Variants in ATP5MG observed in about 807,000 individuals in gnomAD.
The protein encoded by ATP5MG is ATP synthase membrane subunit g.
In ATP5MG, 7 loss-of-function variants were observed where a neutral mutation model predicts 12.7. That is an observed-to-expected ratio of 0.55 (90% CI 0.31 to 1.04). The LOEUF (loss-of-function observed/expected upper bound fraction) is 1.04, where lower values mean the gene tolerates loss of function less well. Ranked by LOEUF, ATP5MG falls within the 50% of genes least tolerant of loss-of-function variation. The pLI, the probability that ATP5MG is intolerant of heterozygous loss-of-function variation, is 0.05. For synonymous variants in ATP5MG, 53 were observed against 48.2 expected (o/e 1.10, Z -0.41); for missense variants, 116 against 126.7 (o/e 0.92, Z 0.41).
chr11:118,407,115 G>A lies in ATP5MG; in HGVS notation c.213+18G>A. The stretch of plus-strand genomic sequence containing the variant: ...CAGTTAAGGTAACCACGGGCTAAAT[G>A]AAAACGGATGTGCATAACAGAAAAT... On this transcript the variant is annotated intron_variant, in intron 2 of 2. Transcript: ENST00000300688. 1 of 1,613,548 alleles carries A rather than the reference G, an allele frequency of 6.2e-7. No individual in the cohort carries two copies. Among genetic ancestry groups the A allele is most frequent in the Non-Finnish European group, 8.5e-7 (1 of 1,179,888 alleles).
chr11:118,407,426 A>G (rs782281569), intron 2 of ATP5MG: 8 of 219,368 alleles, frequency 3.6e-5, no homozygotes, highest in Non-Finnish European at 6.4e-5. Context: ...TACTTTTTTC[A>G]TCTGGAGTCC....
At position 118,409,334 on chromosome 11, in the gene ATP5MG, C is replaced by T. The variant is rs1436390086; in HGVS notation, c.*236C>T. ...GAAAGGATATATGTGGCAATATTAACCTGGTACATGAATATATGGGGATAA... is the reference window on the plus strand; with the variant it reads ...GAAAGGATATATGTGGCAATATTAATCTGGTACATGAATATATGGGGATAA... On this transcript the variant is annotated 3_prime_UTR_variant, in exon 3 of 3. Coordinates refer to ENST00000300688, the MANE Select transcript of ATP5MG (RefSeq NM_006476.5). The T allele has an allele frequency of 4.4e-6, 1 of 224,994 alleles. No individual in the cohort carries two copies. The highest frequency in any genetic ancestry group is 2.3e-5 in the African/African-American group (1 of 43,456). 13.9% of individuals were successfully genotyped at this position (224,994 alleles called of 1,614,324 possible).
intron 2 of ATP5MG, among the ~76,000 whole-genome samples, chr11:118,407,764 T>C (rs112468256): frequency 0.025 from 3,792 of 152,158 alleles, 71 homozygotes; most frequent in Non-Finnish European, 0.037. Flanking sequence ...CCCAACTACT[T>C]GGGAGGCTGA....
Position 118,409,166 on chromosome 11 carries a change from G to T in ATP5MG, c.*68G>T. On this transcript the variant is annotated 3_prime_UTR_variant, in exon 3 of 3. Transcript: ENST00000300688. ...AGTGTTGTTGGACCATGTGTGATCA[G>T]ACTGCTATCTGAATAAAATAAGATT... The T allele has an allele frequency of 1.9e-6, 2 of 1,044,302 alleles. No individual in the cohort carries two copies. The highest frequency in any genetic ancestry group is 2.7e-6 in the Non-Finnish European group (2 of 735,592). The allele number at this position is 1,044,302 out of a possible 1,614,324, so 64.7% of individuals were successfully genotyped here. A position where few individuals can be genotyped will look rare whatever the true frequency, so the allele number is the denominator to read the frequency against.
At chr11:118,403,006 T>G (rs1948942200) in intron 1 of ATP5MG, among the ~76,000 whole-genome samples, 1 of 152,124 alleles carries the variant, frequency 6.6e-6, no homozygotes, top group Admixed American at 6.6e-5. Context: ...GCCGGGTAAT[T>G]TATCCATTCT....
chr11:118,401,820 G>C (rs1330923784), intron 1 of ATP5MG, 103 bp downstream of exon 1: 1 of 1,412,942 alleles, frequency 7.1e-7, no homozygotes, highest in Non-Finnish European at 9.6e-7. Context: ...GGGGCCTGCG[G>C]GTGCCGGGGC....
intron 2 of ATP5MG, among the ~76,000 whole-genome samples, chr11:118,408,138 G>A (rs1293973433): frequency 6.6e-6 from 1 of 152,140 alleles, no homozygotes; most frequent in Non-Finnish European, 1.5e-5. Context: ...CTCCAGCCTG[G>A]GTGACAGAGC....
rs782711620 is a variant in ATP5MG, at chr11:118,401,648, ACT to A, written c.-14_-13del. 1 of 1,613,556 alleles carries A rather than the reference ACT, an allele frequency of 6.2e-7. No homozygotes were observed. The highest frequency in any genetic ancestry group is 2.2e-5 in the East Asian group (1 of 44,866). ...TTCAGCCGGCGGTTCGGGGCGACGG[ACT>A]CTCCATTCCAGAACCATGGCCCAAT... On this transcript the variant is annotated 5_prime_UTR_variant, in exon 1 of 3. Transcript: ENST00000300688.
At position 118,409,342 on chromosome 11, in the gene ATP5MG, A is replaced by C; in HGVS notation, c.*244A>C. On this transcript the variant is annotated 3_prime_UTR_variant, in exon 3 of 3. Coordinates refer to ENST00000300688, the MANE Select transcript of ATP5MG (RefSeq NM_006476.5). ...ATATGTGGCAATATTAACCTGGTACATGAATATATGGGGATAACATTTTAA... is the reference window on the plus strand; with the variant it reads ...ATATGTGGCAATATTAACCTGGTACCTGAATATATGGGGATAACATTTTAA... 1 of 213,348 alleles carries C rather than the reference A, an allele frequency of 4.7e-6. No homozygotes were observed. The highest frequency in any genetic ancestry group is 9.3e-6 in the Non-Finnish European group (1 of 107,278). The allele number at this position is 213,348 out of a possible 1,614,324, so 13.2% of individuals were successfully genotyped here.
intron 1 of ATP5MG, among the ~76,000 whole-genome samples, chr11:118,403,495 CAA>C (rs1202269527): frequency 8.9e-6 from 1 of 112,590 alleles, no homozygotes; most frequent in Non-Finnish European, 1.9e-5. Context: ...GGCTAGGTCT[CAA>C]AAAAAAAAAA....
chr11:118,406,730 A>G (rs932333101), intron 1 of ATP5MG: 78 of 659,434 alleles, frequency 1.2e-4, no homozygotes, highest in Middle Eastern at 4.3e-4. Flanking sequence ...CTGATTGAAC[A>G]TCCCTGTGGC....
chr11:118,406,132 G>A (rs1173388275), intron 1 of ATP5MG: 3 of 152,012 alleles, frequency 2.0e-5, no homozygotes, highest in Non-Finnish European at 2.9e-5. Context: ...CAAAGTGCTG[G>A]GTTTACAGGC....
chr11:118,409,240 A>G lies in ATP5MG; in HGVS notation c.*142A>G, dbSNP rs373983804. The G allele has an allele frequency of 2.9e-4, 130 of 442,312 alleles. No individual in the cohort carries two copies. Among genetic ancestry groups the G allele is most frequent in the East Asian group, 2.6e-3 (57 of 21,744 alleles). 27.4% of individuals were successfully genotyped at this position (442,312 alleles called of 1,614,324 possible). ...ATCAGATACTCCATGAAAGGTCACAATTTCTCTTGATATTAAGCTGGGTTG... is the reference window on the plus strand; with the variant it reads ...ATCAGATACTCCATGAAAGGTCACAGTTTCTCTTGATATTAAGCTGGGTTG... On this transcript the variant is annotated 3_prime_UTR_variant, in exon 3 of 3. Coordinates refer to ENST00000300688, the MANE Select transcript of ATP5MG (RefSeq NM_006476.5).
chr11:118,404,685 T>C (rs918412213), intron 1 of ATP5MG, among the ~76,000 whole-genome samples: 3 of 152,210 alleles, frequency 2.0e-5, no homozygotes, highest in African/African-American at 7.2e-5. Flanking sequence ...CATCACTTGG[T>C]TATAGGTTCC....
chr11:118,401,746 G>T, intron 1 of ATP5MG, 29 bp downstream of exon 1: 1 of 1,605,514 alleles, frequency 6.2e-7, no homozygotes, highest in East Asian at 2.2e-5. Flanking sequence ...CGCCGAGGCG[G>T]GCACACGGGC....
Position 118,406,953 on chromosome 11 carries a change from GAA to G in ATP5MG, c.70_71del (p.Lys24AlafsTer13). On this transcript the variant is annotated frameshift_variant, in exon 2 of 3. Transcript: ENST00000300688. LOFTEE classifies it high-confidence loss of function. ...ALVNAAVTYS[K>X]PRLATFWYYA... is the part of the protein sequence containing the mutation. ...GTTTTCCAGCTGCTGTGACTTACTC[GAA>G]GCCTCGATTGGCCACATTTTGGTAC... is the stretch of plus-strand genomic sequence containing the variant. 2 of 1,609,448 alleles carry G rather than the reference GAA, an allele frequency of 1.2e-6. No homozygotes were observed. The highest frequency in any genetic ancestry group is 2.2e-5 in the South Asian group (2 of 90,260).
chr11:118,407,221 A>C, intron 2 of ATP5MG, 124 bp downstream of exon 2: 3 of 1,371,412 alleles, frequency 2.2e-6, no homozygotes, highest in Non-Finnish European at 1.9e-6. Flanking sequence ...ATGAGGAAAA[A>C]AATTTTGACT....
chr11:118,402,575 T>C (rs1948937226), intron 1 of ATP5MG, among the ~76,000 whole-genome samples: 1 of 152,188 alleles, frequency 6.6e-6, no homozygotes, highest in Non-Finnish European at 1.5e-5. Flanking sequence ...GTCGGATCTC[T>C]TAACTTTTGC....
intron 1 of ATP5MG, chr11:118,405,703 C>T (rs1227831785): frequency 1.0e-6 from 1 of 984,986 alleles, no homozygotes; most frequent in Admixed American, 6.2e-5. Flanking sequence ...TTTGTGTCTG[C>T]TTAAAGGTAT....
Sources: allele counts gnomAD v4.1 joint callset (sites outside exome capture counted in the v4.1 genomes callset), GRCh38; gene constraint gnomAD v4.1.1; transcripts MANE v1.5; gene names NCBI Gene and HGNC (gene_info 2026-07-23, HGNC 2026-07-21).